PDE4D: variants seen among roughly 807,000 people sequenced by gnomAD.
PDE4D encodes the protein 3',5'-cyclic-AMP phosphodiesterase 4D.
PDE4D carries 24 observed loss-of-function variants against 87.4 expected under a neutral mutation model. The observed-to-expected ratio is 0.27, with a 90% CI of 0.20 to 0.39. The LOEUF (loss-of-function observed/expected upper bound fraction) is 0.39. PDE4D is among the 10% of genes least tolerant of loss of function. The pLI is 1.00. For missense variants in PDE4D, 714 were observed against 1,041.0 expected (o/e 0.69, Z 4.32); for synonymous variants, 384 against 383.2 (o/e 1.00, Z -0.02).
chr5:59,667,449 C>T (rs1384125973), intron 1 of PDE4D, among the ~76,000 whole-genome samples: 1 of 152,138 alleles, frequency 6.6e-6, no homozygotes, highest in East Asian at 1.9e-4. Flanking sequence ...ATATCTGGGA[C>T]TACAGGTGCA....
At chr5:59,047,628 C>T (rs532669060) in intron 5 of PDE4D, among the ~76,000 whole-genome samples, 1 of 152,158 alleles carries the variant, frequency 6.6e-6, no homozygotes, top group Admixed American at 6.5e-5. Flanking sequence ...GAAGGAGAAG[C>T]TGCAGAAAGT....
intron 1 of PDE4D, among the ~76,000 whole-genome samples, chr5:60,235,804 T>C (rs1746358832): frequency 1.3e-5 from 2 of 151,938 alleles, no homozygotes; most frequent in Admixed American, 6.6e-5. Context: ...TATTACGTTA[T>C]TGATTTTAAA....
At chr5:59,244,475 C>G (rs1758351640) in intron 1 of PDE4D, among the ~76,000 whole-genome samples, 1 of 150,376 alleles carries the variant, frequency 6.6e-6, no homozygotes, top group Non-Finnish European at 1.5e-5. Context: ...CATATACATA[C>G]ATTTTAATGG....
chr5:59,486,133 C>T (rs949385149), intron 1 of PDE4D, among the ~76,000 whole-genome samples: 2 of 152,062 alleles, frequency 1.3e-5, no homozygotes, highest in African/African-American at 2.4e-5. Context: ...AGACAATCTG[C>T]ACTCTGTTAA....
intron 1 of PDE4D, among the ~76,000 whole-genome samples, chr5:59,540,521 A>G (rs1816138564): frequency 6.6e-6 from 1 of 152,130 alleles, no homozygotes; most frequent in Admixed American, 6.6e-5. Flanking sequence ...CCAAGGTGGC[A>G]ATTAAGCTGG....
Position 59,949,434 on chromosome 5 carries a change from C to CAAAA in PDE4D, c.272+39050_272+39053dup, listed in dbSNP as rs59654913. Among the ~76,000 whole-genome samples, 555 of 57,088 alleles carry CAAAA rather than the reference C, an allele frequency of 9.7e-3. 14 individuals carry two copies. The highest frequency in any genetic ancestry group is 0.029 in the African/African-American group (483 of 16,410). 37.5% of individuals were successfully genotyped at this position (57,088 alleles called of 152,430 possible). A position where few individuals can be genotyped will look rare whatever the true frequency, so the allele number is the denominator to read the frequency against. The stretch of plus-strand genomic sequence containing the variant: ...GGCGACAAAGCAAGACTCCGTCTCA[C>CAAAA]AAAAAAAAAAAAAAAAAAAAAGAAT... On this transcript the variant is annotated intron_variant, in intron 3 of 16. Transcript: ENST00000502484.
chr5:59,950,275 G>A (rs1305188421), intron 3 of PDE4D, among the ~76,000 whole-genome samples: 3 of 152,138 alleles, frequency 2.0e-5, no homozygotes, highest in Non-Finnish European at 2.9e-5. Context: ...TTTCAGCCCA[G>A]TAGCTAGGTA....
intron 1 of PDE4D, among the ~76,000 whole-genome samples, chr5:59,263,536 CAAAT>C (rs1399425515): frequency 1.4e-4 from 22 of 151,840 alleles, no homozygotes; most frequent in Admixed American, 1.1e-3. Context: ...TTAAAATGCT[CAAAT>C]AGTCATATAT....
rs191096202 is a variant in PDE4D at position 60,049,144 on chromosome 5, C to G, written c.43-60427G>C. 1.1e-3 allele frequency among the ~76,000 whole-genome samples: 174 copies of G among 152,274 alleles called. 1 individual carries two copies. The highest frequency in any genetic ancestry group is 2.0e-3 in the Non-Finnish European group (134 of 68,034). ...TCTTCCATCGCTGATACCTTTTCTT[C>G]CAGTTGATTGCATCAGCTCCTGAGG... On this transcript the variant is annotated intron_variant, in intron 2 of 16. Transcript: ENST00000502484.
At chr5:60,166,032 G>A (rs1435486612) in intron 2 of PDE4D, among the ~76,000 whole-genome samples, 1 of 152,008 alleles carries the variant, frequency 6.6e-6, no homozygotes, top group Non-Finnish European at 1.5e-5. Flanking sequence ...TGTGTTGTGT[G>A]TACCAATAAT....
At position 59,181,543 on chromosome 5, in the gene PDE4D, G is replaced by GATATATATATATATATATATATAT. The variant is rs3061466; in HGVS notation, c.759-923_759-900dup. On this transcript the variant is annotated intron_variant, in intron 4 of 14. Coordinates refer to ENST00000340635, the MANE Select transcript of PDE4D (RefSeq NM_001104631.2). ...CTTTTAGATACATTCAAAGATGTCTGATATATATATATATATATATATATA... is the reference window on the plus strand; with the variant it reads ...CTTTTAGATACATTCAAAGATGTCTGATATATATATATATATATATATATATATATATATATATATATATATATA... Among the ~76,000 whole-genome samples, 187 of 118,796 alleles carry GATATATATATATATATATATATAT rather than the reference G, an allele frequency of 1.6e-3. 3 individuals are homozygous for GATATATATATATATATATATATAT. The highest frequency in any genetic ancestry group is 5.9e-3 in the African/African-American group (156 of 26,314). 77.9% of individuals were successfully genotyped at this position (118,796 alleles called of 152,430 possible).
intron 6 of PDE4D, among the ~76,000 whole-genome samples, chr5:59,022,017 G>A (rs1258628733): frequency 6.6e-6 from 1 of 152,100 alleles, no homozygotes; most frequent in Non-Finnish European, 1.5e-5. Flanking sequence ...CATGACTCAT[G>A]GAGGCAACAG....
intron 1 of PDE4D, among the ~76,000 whole-genome samples, chr5:60,468,130 C>CTTTTTTTTTTTTTTTTTTTTT (rs370784270): frequency 2.4e-5 from 3 of 126,184 alleles, no homozygotes; most frequent in South Asian, 3.3e-4. Context: ...AACTTTCTTT[C>CTTTTTTTTTTTTTTTTTTTTT]TTTTTTCTTT....
intron 1 of PDE4D, among the ~76,000 whole-genome samples, chr5:59,888,925 A>C (rs569455978): frequency 6.6e-6 from 1 of 152,072 alleles, no homozygotes; most frequent in Non-Finnish European, 1.5e-5. Context: ...TATGATGTTA[A>C]CATATTTAAA....
At chr5:59,815,454 G>A (rs1768870117) in intron 1 of PDE4D, among the ~76,000 whole-genome samples, 1 of 152,188 alleles carries the variant, frequency 6.6e-6, no homozygotes, top group African/African-American at 2.4e-5. Flanking sequence ...TGGGTTCCGA[G>A]TTGGCTGTCT....
chr5:59,826,087 T>C (rs762553410), intron 1 of PDE4D, among the ~76,000 whole-genome samples: 42 of 152,216 alleles, frequency 2.8e-4, no homozygotes, highest in Non-Finnish European at 4.7e-4. Flanking sequence ...TGACTCAGGG[T>C]GGAAAGAATT....
chr5:60,024,569 A>G (rs1272843437), intron 2 of PDE4D, among the ~76,000 whole-genome samples: 2 of 152,192 alleles, frequency 1.3e-5, no homozygotes, highest in African/African-American at 4.8e-5. Flanking sequence ...ACCTTGAAGC[A>G]TGGGGTACAT....
rs1279926605 is a variant in PDE4D at position 59,668,791 on chromosome 5, AAAG to A, written c.455+224374_455+224376del. On this transcript the variant is annotated intron_variant, in intron 1 of 14. Coordinates refer to ENST00000340635, the MANE Select transcript of PDE4D (RefSeq NM_001104631.2). ...AAGAAGAAGAAAGAAGAAGAAGAAG[AAAG>A]AAGAAGAAGAAAGAAGAAGAAGAAG... 5.8e-5 allele frequency among the ~76,000 whole-genome samples: 8 copies of A among 137,608 alleles called. No homozygotes were observed. The East Asian group carries it at 8.1e-4, about 14-fold the overall frequency. 90.3% of individuals were successfully genotyped at this position (137,608 alleles called of 152,430 possible). A position where few individuals can be genotyped will look rare whatever the true frequency, so the allele number is the denominator to read the frequency against.
At chr5:59,464,102 C>T (rs1801178662) in intron 1 of PDE4D, among the ~76,000 whole-genome samples, 1 of 152,182 alleles carries the variant, frequency 6.6e-6, no homozygotes, top group Non-Finnish European at 1.5e-5. Context: ...GGGACCTCTG[C>T]CTAGGAAAGC....
Sources: allele counts gnomAD v4.1 joint callset (sites outside exome capture counted in the v4.1 genomes callset), GRCh38; gene constraint gnomAD v4.1.1; transcripts MANE v1.5; gene names NCBI Gene and HGNC (gene_info 2026-07-23, HGNC 2026-07-21).